Variants in CACNA2D3 observed in about 807,000 individuals in gnomAD.
CACNA2D3 encodes the protein calcium voltage-gated channel auxiliary subunit alpha2delta 3, also known as voltage-dependent calcium channel subunit alpha-2/delta-3.
CACNA2D3 carries 60 observed loss-of-function variants against 160.6 expected under a neutral mutation model. The observed-to-expected ratio is 0.37, with a 90% confidence interval of 0.30 to 0.46. CACNA2D3 has a LOEUF of 0.46. Ranked by LOEUF, CACNA2D3 falls within the 20% of genes least tolerant of loss-of-function variation. The pLI is 1.00. For missense variants in CACNA2D3, 1,205 were observed against 1,365.0 expected (o/e 0.88, Z 1.85); for synonymous variants, 558 against 492.9 (o/e 1.13, Z -1.75).
intron 32 of CACNA2D3, among the ~76,000 whole-genome samples, chr3:55,005,861 T>G (rs1703082604): frequency 6.6e-6 from 1 of 152,216 alleles, no homozygotes; most frequent in South Asian, 2.1e-4. Context: ...TACCAAAAAT[T>G]AACCTAAAAT....
intron 13 of CACNA2D3, among the ~76,000 whole-genome samples, chr3:54,770,508 A>AT (rs1702301373): frequency 6.6e-6 from 1 of 152,254 alleles, no homozygotes; most frequent in Non-Finnish European, 1.5e-5. Context: ...GTGTTTATGC[A>AT]AAATTAAATG....
At chr3:54,950,779 C>T (rs565051835) in intron 27 of CACNA2D3, among the ~76,000 whole-genome samples, 14 of 152,166 alleles carry the variant, frequency 9.2e-5, no homozygotes, top group South Asian at 6.2e-4. Flanking sequence ...GCACCTTGAT[C>T]GGGGCCAAAA....
chr3:54,343,791 G>C (rs953460266), intron 3 of CACNA2D3, among the ~76,000 whole-genome samples: 2 of 152,174 alleles, frequency 1.3e-5, no homozygotes, highest in South Asian at 4.1e-4. Flanking sequence ...AGCCAGAGTA[G>C]TGATTTCTAA....
intron 27 of CACNA2D3, among the ~76,000 whole-genome samples, chr3:54,953,187 T>C (rs1701800444): frequency 1.3e-5 from 2 of 152,202 alleles, no homozygotes; most frequent in African/African-American, 4.8e-5. Flanking sequence ...TGACATACAT[T>C]AGCTCATTTA....
At chr3:54,859,972 G>GCGCGCACACACACACACACACA (rs535185040) in intron 17 of CACNA2D3, among the ~76,000 whole-genome samples, 5 of 133,884 alleles carry the variant, frequency 3.7e-5, no homozygotes, top group East Asian at 2.2e-4. Context: ...GAAAGTAGAT[G>GCGCGCACACACACACACACACA]CACACACACA....
intron 10 of CACNA2D3, among the ~76,000 whole-genome samples, chr3:54,636,445 C>A (rs1053780102): frequency 2.0e-5 from 3 of 151,856 alleles, no homozygotes; most frequent in Non-Finnish European, 4.4e-5. Flanking sequence ...AGCCAGGGAG[C>A]AGAAAGCATA....
intron 4 of CACNA2D3, among the ~76,000 whole-genome samples, chr3:54,430,407 A>G (rs575914525): frequency 2.6e-5 from 4 of 152,206 alleles, no homozygotes; most frequent in Admixed American, 1.3e-4. Flanking sequence ...AGAATTCTCT[A>G]TGCGGATATT....
intron 11 of CACNA2D3, among the ~76,000 whole-genome samples, chr3:54,647,175 A>G (rs1348540636): frequency 2.0e-5 from 3 of 152,240 alleles, no homozygotes; most frequent in African/African-American, 7.2e-5. Context: ...TCATGAGCAG[A>G]GGACCCAGCT....
At chr3:54,330,145 A>T (rs1704213677) in intron 3 of CACNA2D3, among the ~76,000 whole-genome samples, 1 of 152,110 alleles carries the variant, frequency 6.6e-6, no homozygotes, top group African/African-American at 2.4e-5. Context: ...ATAGATGAAC[A>T]TGCAAGGCTT....
At chr3:54,264,598 G>A (rs767101382) in intron 2 of CACNA2D3, among the ~76,000 whole-genome samples, 1 of 152,136 alleles carries the variant, frequency 6.6e-6, no homozygotes, top group Non-Finnish European at 1.5e-5. Flanking sequence ...AAATAGAAAC[G>A]GAGACATAGA....
At chr3:54,143,928 A>C (rs1699980557) in intron 2 of CACNA2D3, among the ~76,000 whole-genome samples, 1 of 152,242 alleles carries the variant, frequency 6.6e-6, no homozygotes, top group Non-Finnish European at 1.5e-5. Context: ...TAATGGGAAG[A>C]TATTTTAAAG....
In CACNA2D3 at chr3:54,661,838, A is replaced by ATGTGTGTGTG. The variant is rs780111250; in HGVS notation, c.1167+19604_1167+19605insGTGTGTGTGT. Among the ~76,000 whole-genome samples, 32 of 146,828 alleles carry ATGTGTGTGTG rather than the reference A, an allele frequency of 2.2e-4. 1 individual carries two copies. In the East Asian group the frequency reaches 2.3e-3, roughly 11 times the overall value. ...TATGGTTCACACAGACATCTCAGGGATGTGTGTATGTGTGTGTGTGTGTGT... is the reference window on the plus strand; with the variant it reads ...TATGGTTCACACAGACATCTCAGGGATGTGTGTGTGTGTGTGTATGTGTGTGTGTGTGTGT... On this transcript the variant is annotated intron_variant, in intron 11 of 37. Transcript: ENST00000474759.
intron 35 of CACNA2D3, among the ~76,000 whole-genome samples, chr3:55,019,327 G>A (rs181405191): frequency 6.6e-6 from 1 of 151,434 alleles, no homozygotes; most frequent in Admixed American, 6.6e-5. Flanking sequence ...ACTAATTTTG[G>A]AACTAGCTTG....
chr3:54,342,074 C>T (rs1032316139), intron 3 of CACNA2D3, among the ~76,000 whole-genome samples: 1 of 152,160 alleles, frequency 6.6e-6, no homozygotes, highest in Non-Finnish European at 1.5e-5. Context: ...AAAGAATACA[C>T]AGTTGGCAAG....
intron 2 of CACNA2D3, among the ~76,000 whole-genome samples, chr3:54,300,342 T>C (rs1475971908): frequency 6.6e-6 from 1 of 152,244 alleles, no homozygotes; most frequent in African/African-American, 2.4e-5. Flanking sequence ...CCACCAGCAG[T>C]CTCTGCCACG....
At chr3:54,667,526 G>C (rs1404111720) in intron 11 of CACNA2D3, among the ~76,000 whole-genome samples, 2 of 152,028 alleles carry the variant, frequency 1.3e-5, no homozygotes, top group African/African-American at 4.8e-5. Flanking sequence ...CTCAAGCCAG[G>C]GTATTGAACC....
chr3:54,406,805 A>G (rs370792897), intron 4 of CACNA2D3, among the ~76,000 whole-genome samples: 55 of 152,238 alleles, frequency 3.6e-4, no homozygotes, highest in African/African-American at 1.2e-3. Context: ...AAGTGAGTAG[A>G]TAGATTATAG....
At chr3:54,400,727 G>C (rs893807982) in intron 4 of CACNA2D3, among the ~76,000 whole-genome samples, 1 of 152,120 alleles carries the variant, frequency 6.6e-6, no homozygotes, top group Non-Finnish European at 1.5e-5. Context: ...GGCACAGTAA[G>C]ACCCATCTGC....
intron 2 of CACNA2D3, among the ~76,000 whole-genome samples, chr3:54,290,130 A>C (rs543976498): frequency 0.015 from 2,322 of 152,134 alleles, 48 homozygotes; most frequent in African/African-American, 0.049. Context: ...CAACCTACAA[A>C]ATGGGAGAAA....
Sources: gnomAD v4.1 joint callset for allele counts (sites outside exome capture counted in the v4.1 genomes callset) on GRCh38, gnomAD v4.1.1 for gene constraint, MANE v1.5 for transcripts, NCBI Gene and HGNC (gene_info 2026-07-23, HGNC 2026-07-21) for gene names.